XKR9: variants seen among roughly 807,000 people sequenced by gnomAD.
XKR9 encodes XK related 9, also known as XK-related protein 9.
A neutral mutation model predicts 32.0 loss-of-function variants in XKR9; 32 were observed. That is an observed-to-expected ratio of 1.00 (90% CI 0.76 to 1.34). XKR9 has a LOEUF of 1.34. Ranked by LOEUF, XKR9 falls within the 40% of genes most tolerant of loss-of-function variation. The pLI is 0.00. For missense variants in XKR9, 546 were observed against 429.7 expected, an observed-to-expected ratio of 1.27 and a Z score of -2.39; for synonymous variants, 168 against 143.4, an observed-to-expected ratio of 1.17 and a Z score of -1.22.
intron 2 of XKR9, among the ~76,000 whole-genome samples, chr8:70,785,480 A>C (rs1050140351): frequency 6.6e-6 from 1 of 150,976 alleles, no homozygotes; most frequent in Non-Finnish European, 1.5e-5. Context: ...TAAACAATTA[A>C]ATTGTTTTTC....
chr8:70,857,272 T>TA, the XKR9 span, among the ~76,000 whole-genome samples: 1 of 151,764 alleles, frequency 6.6e-6, no homozygotes, highest in Non-Finnish European at 1.5e-5. Flanking sequence ...ATAGACACAA[T>TA]AAAAAATGAT....
chr8:70,962,616 C>T, the XKR9 span, among the ~76,000 whole-genome samples: 2 of 152,216 alleles, frequency 1.3e-5, no homozygotes, highest in East Asian at 1.9e-4. Context: ...CACTGATGGG[C>T]ACCTACGTTG....
At chr8:71,023,517 T>C in the XKR9 span, among the ~76,000 whole-genome samples, 1 of 152,282 alleles carries the variant, frequency 6.6e-6, no homozygotes, top group African/African-American at 2.4e-5. Flanking sequence ...TGAGTGTGCC[T>C]ATCTTTGGCC....
the XKR9 span, among the ~76,000 whole-genome samples, chr8:70,931,163 AT>A: frequency 3.3e-5 from 5 of 151,760 alleles, no homozygotes; most frequent in East Asian, 9.8e-4. Flanking sequence ...AAAAAAAAAA[AT>A]CAGAGTGCCA....
the XKR9 span, among the ~76,000 whole-genome samples, chr8:70,917,569 A>AC: frequency 6.6e-6 from 1 of 152,154 alleles, no homozygotes; most frequent in Admixed American, 6.5e-5. Flanking sequence ...TCAGGATGTA[A>AC]CCCCATCATA....
At position 70,734,617 on chromosome 8, in the gene XKR9, T is replaced by TG; in HGVS notation, c.*193_*194insG. On this transcript the variant is annotated 3_prime_UTR_variant, in exon 5 of 5. Transcript: ENST00000408926. Reference sequence around the variant, plus strand: ...ATTTGGTTTTGAAGATCTTGAGTACTCAGATATCTTTCTACTGCCTGGTAG... The same window carrying TG: ...ATTTGGTTTTGAAGATCTTGAGTACTGCAGATATCTTTCTACTGCCTGGTAG... 4 of 643,640 alleles carry TG rather than the reference T, an allele frequency of 6.2e-6. No individual in the cohort carries two copies. The highest frequency in any genetic ancestry group is 8.6e-6 in the Non-Finnish European group (4 of 466,618). 39.9% of individuals were successfully genotyped at this position (643,640 alleles called of 1,614,324 possible). A position where few individuals can be genotyped will look rare whatever the true frequency, so the allele number is the denominator to read the frequency against.
At chr8:70,906,164 A>C in the XKR9 span, among the ~76,000 whole-genome samples, 96 of 152,314 alleles carry the variant, frequency 6.3e-4, no homozygotes, top group African/African-American at 2.2e-3. Flanking sequence ...GCTGTCAGAC[A>C]GGGGCGTTTA....
chr8:70,802,960 G>A, the XKR9 span, among the ~76,000 whole-genome samples: 1 of 152,220 alleles, frequency 6.6e-6, no homozygotes, highest in South Asian at 2.1e-4. Flanking sequence ...GTATCTCATA[G>A]GAGTTCTCTG....
intron 1 of XKR9, among the ~76,000 whole-genome samples, chr8:70,670,392 T>C (rs144089300): frequency 9.7e-4 from 148 of 152,320 alleles, no homozygotes; most frequent in African/African-American, 3.1e-3. Flanking sequence ...AAAGTTGAGT[T>C]ATAAATTACT....
At chr8:70,731,198 T>C (rs1235816875) in intron 4 of XKR9, among the ~76,000 whole-genome samples, 1 of 152,150 alleles carries the variant, frequency 6.6e-6, no homozygotes, top group African/African-American at 2.4e-5. Context: ...GTTTCACAAA[T>C]CCTTTTTTCT....
At chr8:71,019,998 T>C in the XKR9 span, among the ~76,000 whole-genome samples, 1 of 152,220 alleles carries the variant, frequency 6.6e-6, no homozygotes, top group South Asian at 2.1e-4. Context: ...TGCTTAGGAA[T>C]TTAGCCTCAG....
At chr8:70,763,019 G>A (rs1489645804) in intron 2 of XKR9, among the ~76,000 whole-genome samples, 1 of 152,106 alleles carries the variant, frequency 6.6e-6, no homozygotes, top group Non-Finnish European at 1.5e-5. Context: ...ACCAGATCCT[G>A]AATAATTTTG....
At chr8:70,911,459 T>C in the XKR9 span, among the ~76,000 whole-genome samples, 2 of 152,188 alleles carry the variant, frequency 1.3e-5, no homozygotes, top group Non-Finnish European at 2.9e-5. Flanking sequence ...AATATTTACT[T>C]TGTGTCAGTA....
At chr8:70,876,403 G>A in the XKR9 span, among the ~76,000 whole-genome samples, 48,192 of 151,586 alleles carry the variant, frequency 0.32, 8,980 homozygotes, top group Non-Finnish European at 0.43. Flanking sequence ...GTAGAGACGG[G>A]GTTTCACCAT....
chr8:70,719,423 T>C (rs1463134422), intron 4 of XKR9, among the ~76,000 whole-genome samples: 3 of 152,150 alleles, frequency 2.0e-5, no homozygotes, highest in Non-Finnish European at 4.4e-5. Flanking sequence ...TCTTCTAGGG[T>C]TTTTATGGTT....
the XKR9 span, among the ~76,000 whole-genome samples, chr8:71,064,398 AGT>A: frequency 1.3e-5 from 2 of 152,270 alleles, no homozygotes; most frequent in Non-Finnish European, 2.9e-5. Context: ...TTATATATTG[AGT>A]TTTTATGTTT....
the XKR9 span, among the ~76,000 whole-genome samples, chr8:70,820,981 A>G: frequency 6.6e-6 from 1 of 152,154 alleles, no homozygotes; most frequent in South Asian, 2.1e-4. Flanking sequence ...ACAGTCCCCC[A>G]AAGTCTTAAT....
chr8:70,957,395 G>A, the XKR9 span, among the ~76,000 whole-genome samples: 1 of 152,064 alleles, frequency 6.6e-6, no homozygotes, highest in Non-Finnish European at 1.5e-5. Flanking sequence ...TTTATTTTAA[G>A]TTTAGGGGTA....
the XKR9 span, among the ~76,000 whole-genome samples, chr8:70,955,484 A>C: frequency 6.6e-6 from 1 of 152,244 alleles, no homozygotes; most frequent in African/African-American, 2.4e-5. Flanking sequence ...AATTATATTG[A>C]ATCAGTTTAG....
Sources: gnomAD v4.1 joint callset for allele counts (sites outside exome capture counted in the v4.1 genomes callset) on GRCh38, gnomAD v4.1.1 for gene constraint, MANE v1.5 for transcripts, NCBI Gene and HGNC (gene_info 2026-07-23, HGNC 2026-07-21) for gene names.